HECW2: variants seen among roughly 807,000 people sequenced by gnomAD.
The protein encoded by HECW2 is E3 ubiquitin-protein ligase HECW2.
Under a neutral mutation model 175.2 loss-of-function variants are expected in HECW2, and 61 were observed. The observed-to-expected ratio is 0.35, with a 90% CI of 0.28 to 0.43. The LOEUF (loss-of-function observed/expected upper bound fraction) is 0.43, where lower values mean the gene tolerates loss of function less well. Ranked by LOEUF, HECW2 falls within the 20% of genes least tolerant of loss-of-function variation. HECW2 has a pLI of 1.00. For synonymous variants in HECW2, 671 were observed against 731.0 expected, an observed-to-expected ratio of 0.92 and a Z score of 1.32; for missense variants, 1,524 against 2,000.5, an observed-to-expected ratio of 0.76 and a Z score of 4.54.
intron 2 of HECW2, among the ~76,000 whole-genome samples, chr2:196,388,555 A>C (rs1220713219): frequency 6.6e-6 from 1 of 152,176 alleles, no homozygotes; most frequent in Non-Finnish European, 1.5e-5. Flanking sequence ...GTACACAACT[A>C]GTCAGTCAGT....
chr2:196,339,954 C>T (rs553346834), intron 3 of HECW2, among the ~76,000 whole-genome samples: 1 of 152,300 alleles, frequency 6.6e-6, no homozygotes, highest in African/African-American at 2.4e-5. Context: ...CTACCTGCCT[C>T]CTCTGGGGAT....
At chr2:196,447,748 C>T (rs1224198893) in intron 1 of HECW2, among the ~76,000 whole-genome samples, 1 of 152,056 alleles carries the variant, frequency 6.6e-6, no homozygotes, top group African/African-American at 2.4e-5. Context: ...ATGAATTATC[C>T]CAACCCTCTA....
intron 7 of HECW2, among the ~76,000 whole-genome samples, chr2:196,321,682 G>A (rs1044829598): frequency 6.6e-6 from 1 of 152,294 alleles, no homozygotes; most frequent in East Asian, 1.9e-4. Context: ...TTACAGGAAT[G>A]AGCTGCCGTG....
At chr2:196,358,240 G>T (rs1426929279) in intron 2 of HECW2, among the ~76,000 whole-genome samples, 1 of 152,130 alleles carries the variant, frequency 6.6e-6, no homozygotes, top group Non-Finnish European at 1.5e-5. Flanking sequence ...TATAGTATGT[G>T]AACCTGGCAT....
chr2:196,373,896 G>A lies in HECW2; in HGVS notation c.293-30132C>T, dbSNP rs565929097. Among the ~76,000 whole-genome samples, 30 of 151,492 alleles carry A rather than the reference G, an allele frequency of 2.0e-4. No homozygotes were observed. The East Asian group carries it at 3.7e-3, about 19-fold the overall frequency. On this transcript the variant is annotated intron_variant, in intron 2 of 28. Transcript: ENST00000644978. ...AAATACAAAAAATTAGCCGGGCGTAGTGGCGGGCGCCTGTAGTCCCAGCTA... is the reference window on the plus strand; with the variant it reads ...AAATACAAAAAATTAGCCGGGCGTAATGGCGGGCGCCTGTAGTCCCAGCTA...
intron 1 of HECW2, among the ~76,000 whole-genome samples, chr2:196,574,831 A>G (rs1690505784): frequency 6.6e-6 from 1 of 152,214 alleles, no homozygotes; most frequent in Non-Finnish European, 1.5e-5. Flanking sequence ...AAACAGACAT[A>G]TAGCCTAACG....
intron 1 of HECW2, among the ~76,000 whole-genome samples, chr2:196,439,017 T>C (rs895227384): frequency 3.9e-5 from 6 of 152,214 alleles, no homozygotes; most frequent in African/African-American, 1.4e-4. Context: ...CTAAGTGATA[T>C]TCAAATATAT....
chr2:196,385,560 C>A (rs1694322158), intron 2 of HECW2, among the ~76,000 whole-genome samples: 1 of 152,140 alleles, frequency 6.6e-6, no homozygotes, highest in Non-Finnish European at 1.5e-5. Flanking sequence ...ACTCTACTCA[C>A]CTAAGGTAGG....
intron 10 of HECW2, chr2:196,316,673 C>T (rs1691710924): frequency 6.5e-6 from 1 of 153,054 alleles, no homozygotes; most frequent in Non-Finnish European, 1.5e-5. Context: ...GTAACTATAT[C>T]CCAGCATCCC....
At chr2:196,214,969 C>A (rs997288247) in intron 28 of HECW2, among the ~76,000 whole-genome samples, 1 of 152,142 alleles carries the variant, frequency 6.6e-6, no homozygotes, top group African/African-American at 2.4e-5. Context: ...TTTAGGATAA[C>A]ATCTTGGGGT....
intron 1 of HECW2, among the ~76,000 whole-genome samples, chr2:196,560,768 C>T (rs1689972859): frequency 6.6e-6 from 1 of 152,194 alleles, no homozygotes. Flanking sequence ...CTTGCTGAAG[C>T]CGTGACAGAA....
At position 196,312,641 on chromosome 2, in the gene HECW2, T is replaced by C. The variant is rs1056226037; in HGVS notation, c.2435-4556A>G. Among the ~76,000 whole-genome samples, 14 of 152,266 alleles carry C rather than the reference T, an allele frequency of 9.2e-5. No individual in the cohort carries two copies. The East Asian group carries it at 2.5e-3, about 27-fold the overall frequency. ...ACAAAGGGGACTTCTAGAATGCTGATGGCGTGGCCTGCCATGTATGTTTAG... is the reference window on the plus strand; with the variant it reads ...ACAAAGGGGACTTCTAGAATGCTGACGGCGTGGCCTGCCATGTATGTTTAG... On this transcript the variant is annotated intron_variant, in intron 10 of 28. Coordinates refer to ENST00000644978, the MANE Select transcript of HECW2 (RefSeq NM_001348768.2).
At chr2:196,268,958 C>T (rs1165267501) in intron 17 of HECW2, among the ~76,000 whole-genome samples, 1 of 152,020 alleles carries the variant, frequency 6.6e-6, no homozygotes, top group Non-Finnish European at 1.5e-5. Context: ...TGAGTGGATG[C>T]CATAATAAAC....
intron 14 of HECW2, among the ~76,000 whole-genome samples, chr2:196,284,964 A>G (rs1690328748): frequency 6.6e-6 from 1 of 152,182 alleles, no homozygotes; most frequent in African/African-American, 2.4e-5. Flanking sequence ...AAATTCACTC[A>G]AGCTTTACAG....
intron 14 of HECW2, chr2:196,291,919 T>A (rs1303923983): frequency 6.6e-6 from 1 of 152,244 alleles, no homozygotes; most frequent in Non-Finnish European, 1.5e-5. Flanking sequence ...ACTAATTTTC[T>A]CATTCTGATT....
intron 1 of HECW2, among the ~76,000 whole-genome samples, chr2:196,565,337 C>T (rs578151860): frequency 3.8e-4 from 58 of 152,244 alleles, no homozygotes; most frequent in African/African-American, 1.1e-3. Context: ...TATCCTCTTT[C>T]GGCATTTTGC....
chr2:196,361,950 C>T, intron 2 of HECW2: 1 of 985,460 alleles, frequency 1.0e-6, no homozygotes, highest in Non-Finnish European at 1.2e-6. Context: ...GCAGCCAGAG[C>T]TGAACTGAAG....
chr2:196,332,978 G>T (rs1045054797), intron 4 of HECW2, among the ~76,000 whole-genome samples: 2 of 151,990 alleles, frequency 1.3e-5, no homozygotes, highest in African/African-American at 4.8e-5. Context: ...AATGTGAGCA[G>T]AGTACTTAGA....
intron 1 of HECW2, among the ~76,000 whole-genome samples, chr2:196,558,293 T>C (rs907248373): frequency 6.6e-6 from 1 of 152,180 alleles, no homozygotes; most frequent in Admixed American, 6.6e-5. Context: ...AGAAAAGTAA[T>C]GGAAGAAGTC....
Sources: allele counts gnomAD v4.1 joint callset (sites outside exome capture counted in the v4.1 genomes callset), GRCh38; gene constraint gnomAD v4.1.1; transcripts MANE v1.5; gene names NCBI Gene and HGNC (gene_info 2026-07-23, HGNC 2026-07-21).